ASPH: variants seen among roughly 807,000 people sequenced by gnomAD.
ASPH encodes the protein aspartate beta-hydroxylase.
A neutral mutation model predicts 118.4 loss-of-function variants in ASPH; 100 were observed. That is an observed-to-expected ratio of 0.84 (90% CI 0.72 to 1.00). The LOEUF is 1.00. Ranked by LOEUF, ASPH falls within the 50% of genes least tolerant of loss-of-function variation. ASPH has a pLI of 0.00. For missense variants in ASPH, 920 were observed against 919.5 expected, an observed-to-expected ratio of 1.00 and a Z score of -0.01; for synonymous variants, 315 against 325.6, an observed-to-expected ratio of 0.97 and a Z score of 0.35.
chr8:61,706,466 GGAA>G (rs537453690), intron 1 of ASPH, among the ~76,000 whole-genome samples: 27 of 137,632 alleles, frequency 2.0e-4, no homozygotes, highest in Non-Finnish European at 3.0e-4. Flanking sequence ...AGGAGGAAGA[GGAA>G]GAAGAAGAAG....
At chr8:61,539,342 C>T (rs1820831755) in intron 21 of ASPH, among the ~76,000 whole-genome samples, 6 of 151,950 alleles carry the variant, frequency 3.9e-5, no homozygotes, top group Admixed American at 3.3e-4. Flanking sequence ...AGGATGAATT[C>T]GACTGAGGGG....
chr8:61,554,732 T>G lies in ASPH; in HGVS notation c.1536+1192A>C, dbSNP rs549157727. ...CTCTGTTTTTTTTGTTTGTTTGTTT[T>G]TTTAATATTATACACATTTTTTAGA... On this transcript the variant is annotated intron_variant, in intron 19 of 24. Coordinates refer to ENST00000379454, the MANE Select transcript of ASPH (RefSeq NM_004318.4). Among the ~76,000 whole-genome samples, 11 of 152,348 alleles carry G rather than the reference T, an allele frequency of 7.2e-5. No homozygotes were observed. In the South Asian group the frequency reaches 8.3e-4, roughly 11 times the overall value.
Position 61,573,068 on chromosome 8 carries a change from A to G in ASPH, c.1149+3704T>C, listed in dbSNP as rs564066333. On this transcript the variant is annotated intron_variant, in intron 16 of 24. Transcript: ENST00000379454. ...TCACAAGCATTCCTATATACCAATA[A>G]TAGACAAGCAGAGAGCCAAATCATG... 2.0e-3 allele frequency among the ~76,000 whole-genome samples: 300 copies of G among 152,278 alleles called. 1 individual carries two copies. The highest frequency in any genetic ancestry group is 6.9e-3 in the African/African-American group (285 of 41,558).
intron 21 of ASPH, among the ~76,000 whole-genome samples, chr8:61,536,682 G>A (rs996309303): frequency 6.6e-6 from 1 of 152,134 alleles, no homozygotes; most frequent in Non-Finnish European, 1.5e-5. Flanking sequence ...ATCAAATCCT[G>A]GCTATTTGGG....
chr8:61,620,499 AG>A, intron 13 of ASPH, among the ~76,000 whole-genome samples: 1 of 150,770 alleles, frequency 6.6e-6, no homozygotes, highest in East Asian at 1.9e-4. Flanking sequence ...TTTTTTTTTA[AG>A]GACATGTAGG....
At chr8:61,537,645 T>C (rs1820136365) in intron 21 of ASPH, among the ~76,000 whole-genome samples, 1 of 152,148 alleles carries the variant, frequency 6.6e-6, no homozygotes, top group Non-Finnish European at 1.5e-5. Flanking sequence ...CCAAAGGGCA[T>C]ATGCATATTT....
chr8:61,691,178 T>G (rs953652169), intron 1 of ASPH, among the ~76,000 whole-genome samples: 6 of 152,158 alleles, frequency 3.9e-5, no homozygotes, highest in Admixed American at 3.9e-4. Flanking sequence ...ATATGTCACT[T>G]TGTAAATATG....
At chr8:61,551,334 C>T (rs920433144) in intron 20 of ASPH, among the ~76,000 whole-genome samples, 9 of 152,286 alleles carry the variant, frequency 5.9e-5, no homozygotes, top group African/African-American at 2.2e-4. Flanking sequence ...GTGCTCTAGG[C>T]ATAAAAACGT....
intron 13 of ASPH, chr8:61,623,903 A>G (rs530015165): frequency 2.6e-5 from 4 of 152,232 alleles, no homozygotes; most frequent in Non-Finnish European, 5.9e-5. Context: ...GTTAGGTGAA[A>G]TAAGCCAGGC....
intron 24 of ASPH, among the ~76,000 whole-genome samples, chr8:61,505,812 T>C (rs1340812159): frequency 1.3e-5 from 2 of 152,138 alleles, no homozygotes; most frequent in East Asian, 3.8e-4. Flanking sequence ...ATGCAAAATC[T>C]AACTTGAGAA....
At chr8:61,651,240 A>C in intron 4 of ASPH, 116 bp from the exon 5 acceptor site, 2 of 744,146 alleles carry the variant, frequency 2.7e-6, no homozygotes, top group East Asian at 2.8e-5. Flanking sequence ...TGACTAAGCA[A>C]CTCTGCATGC....
chr8:61,650,607 T>G (rs868077065), intron 5 of ASPH, among the ~76,000 whole-genome samples: 1 of 151,862 alleles, frequency 6.6e-6, no homozygotes, highest in South Asian at 2.1e-4. Flanking sequence ...CATTCTCACG[T>G]TTTTTTTCCT....
At chr8:61,577,420 A>AAAAAAAAAAAAAAAAAAC (rs1835662544) in intron 15 of ASPH, among the ~76,000 whole-genome samples, 1 of 150,046 alleles carries the variant, frequency 6.7e-6, no homozygotes, top group Non-Finnish European at 1.5e-5. Flanking sequence ...AAAAAAAAAA[A>AAAAAAAAAAAAAAAAAAC]AAAGACAAGA....
chr8:61,710,659 G>A (rs1439852352), intron 1 of ASPH, among the ~76,000 whole-genome samples: 1 of 152,170 alleles, frequency 6.6e-6, no homozygotes, highest in Non-Finnish European at 1.5e-5. Flanking sequence ...GACGGTTCTT[G>A]CAGTGGAAGA....
Position 61,517,606 on chromosome 8 carries a change from G to C in ASPH, c.2048C>G (p.Thr683Arg). 6.2e-7 allele frequency: 1 copy of C among 1,614,126 alleles called. No homozygotes were observed. The highest frequency in any genetic ancestry group is 8.5e-7 in the Non-Finnish European group (1 of 1,179,986). The change falls in exon 24 of 25, where the codon ACA (threonine) becomes AGA (arginine). Residue 683 changes from threonine (T) to arginine (R), a missense_variant. Transcript: ENST00000379454. ...CAGGTGCATTCGGAGCCTGCAGTTT[G>C]TGGGCCCTGTGTGCGGCCACACGTG... ...GTHVWPHTGP[T>R]NCRLRMHLGL...
At chr8:61,713,568 CAG>C (rs1308539612) in intron 1 of ASPH, among the ~76,000 whole-genome samples, 3 of 152,226 alleles carry the variant, frequency 2.0e-5, no homozygotes, top group Admixed American at 2.0e-4. Context: ...TGAGACGAAA[CAG>C]ATTTAAAAAT....
At chr8:61,659,336 T>C (rs943409596) in intron 3 of ASPH, 2 of 152,196 alleles carry the variant, frequency 1.3e-5, no homozygotes, top group Admixed American at 1.3e-4. Flanking sequence ...CATGTTGGTG[T>C]TATATAATTA....
At chr8:61,583,749 T>A (rs1838355677) in intron 15 of ASPH, among the ~76,000 whole-genome samples, 195 bp downstream of exon 15, 2 of 152,094 alleles carry the variant, frequency 1.3e-5, no homozygotes, top group Admixed American at 6.6e-5. Flanking sequence ...AAGTTCTATT[T>A]CTCTTTGGCC....
chr8:61,510,458 G>GT lies in ASPH; in HGVS notation c.2127-6950dup, dbSNP rs140810001. On this transcript the variant is annotated intron_variant, in intron 24 of 24. Coordinates refer to ENST00000379454, the MANE Select transcript of ASPH (RefSeq NM_004318.4). ...AGAGCCCTATTAATAAAGATTATTA[G>GT]TTAAAAAGCTTCTGGGAGCTGACCT... 4.7e-4 allele frequency among the ~76,000 whole-genome samples: 72 copies of GT among 152,308 alleles called. No homozygotes were observed. The East Asian group carries it at 0.013, about 29-fold the overall frequency.
Sources: allele counts gnomAD v4.1 joint callset (sites outside exome capture counted in the v4.1 genomes callset), GRCh38; gene constraint gnomAD v4.1.1; transcripts MANE v1.5; gene names NCBI Gene and HGNC (gene_info 2026-07-23, HGNC 2026-07-21).